The following DLG5 variants were observed in gnomAD, a reference collection of about 807,000 sequenced individuals.
The protein encoded by DLG5 is discs large MAGUK scaffold protein 5.
A neutral mutation model predicts 189.8 loss-of-function variants in DLG5; 48 were observed. The ratio of observed to expected loss-of-function variants is 0.25; its 90% CI spans 0.20 to 0.32. The LOEUF (loss-of-function observed/expected upper bound fraction) is 0.32, where lower values mean the gene tolerates loss of function less well. Among genes scored for constraint, DLG5 ranks in the 10% least tolerant of loss-of-function variants. The pLI, the probability that DLG5 is intolerant of heterozygous loss-of-function variation, is 1.00. For missense variants in DLG5, 2,160 were observed against 2,544.7 expected (o/e 0.85, Z 3.25); for synonymous variants, 1,016 against 1,054.1 (o/e 0.96, Z 0.70).
chr10:77,801,862 A>G (rs1032579312), intron 27 of DLG5, among the ~76,000 whole-genome samples: 1 of 152,200 alleles, frequency 6.6e-6, no homozygotes, highest in African/African-American at 2.4e-5. Context: ...ATGCAACAAA[A>G]GAAGCGATGA....
intron 20 of DLG5, among the ~76,000 whole-genome samples, chr10:77,813,415 G>A (rs78092226): frequency 6.6e-6 from 1 of 152,082 alleles, no homozygotes; most frequent in Non-Finnish European, 1.5e-5. Flanking sequence ...CTCTTGGGAA[G>A]GGGAAATTAA....
chr10:77,828,237 G>A (rs1212945440), intron 13 of DLG5, among the ~76,000 whole-genome samples: 4 of 152,082 alleles, frequency 2.6e-5, no homozygotes, highest in Admixed American at 2.6e-4. Flanking sequence ...TGTAATCCCA[G>A]AACTTTGGGA....
At chr10:77,891,142 T>C (rs1374342693) in intron 1 of DLG5, among the ~76,000 whole-genome samples, 1 of 152,042 alleles carries the variant, frequency 6.6e-6, no homozygotes, top group Non-Finnish European at 1.5e-5. Flanking sequence ...CTCCCCTATC[T>C]CCCTATGCAT....
intron 1 of DLG5, among the ~76,000 whole-genome samples, chr10:77,906,043 C>T (rs578154691): frequency 8.5e-5 from 13 of 152,342 alleles, no homozygotes; most frequent in African/African-American, 3.1e-4. Flanking sequence ...ACCCATTATA[C>T]CCATTTGCTC....
Position 77,828,924 on chromosome 10 carries a change from G to C in DLG5, c.2247C>G (p.Ala749=), listed in dbSNP as rs774036763. The change falls in exon 13 of 32, where the codon GCC becomes GCG. Residue 749 remains alanine, a synonymous_variant. Coordinates refer to ENST00000372391, the MANE Select transcript of DLG5 (RefSeq NM_004747.4). Reference sequence around the variant, plus strand: ...CCACAGCAAGGGACCCTTCTTTAGCGGCAGGGCTTCCAGGCAGCACAGCGG... The same window carrying C: ...CCACAGCAAGGGACCCTTCTTTAGCCGCAGGGCTTCCAGGCAGCACAGCGG... The part of the protein sequence containing the change: ...YAAAVLPGSP[A]AKEGSLAVGD... 6.2e-7 allele frequency: 1 copy of C among 1,614,132 alleles called. No homozygotes were observed. The highest frequency in any genetic ancestry group is 1.7e-5 in the Admixed American group (1 of 60,012).
In DLG5 at chr10:77,844,616, G is replaced by A. The variant is rs540310758; in HGVS notation, c.865-910C>T. On this transcript the variant is annotated intron_variant, in intron 5 of 31. Coordinates refer to ENST00000372391, the MANE Select transcript of DLG5 (RefSeq NM_004747.4). ...GGGGCTGGTGATGCCAGACAGGACAGAAAGACGCTGTGCCCTGTGGGCCTT... is the reference window on the plus strand; with the variant it reads ...GGGGCTGGTGATGCCAGACAGGACAAAAAGACGCTGTGCCCTGTGGGCCTT... 2.0e-5 allele frequency among the ~76,000 whole-genome samples: 3 copies of A among 152,348 alleles called. No homozygotes were observed. The South Asian group carries it at 6.2e-4, about 32-fold the overall frequency.
rs1010416304 is a variant in DLG5 at position 77,796,296 on chromosome 10, C to T, written c.5309-108G>A. On this transcript the variant is annotated intron_variant, in intron 28 of 31. Transcript: ENST00000372391. The surrounding 1 kb of genome is among the most constrained non-coding windows in gnomAD (Gnocchi z 5.2). ...GCAGCTGTCAGTAACCCAGTCCTGCCATGCATGAATCTGACCCATGTCAGC... is the reference window on the plus strand; with the variant it reads ...GCAGCTGTCAGTAACCCAGTCCTGCTATGCATGAATCTGACCCATGTCAGC... 1 of 1,593,716 alleles carries T rather than the reference C, an allele frequency of 6.3e-7. No individual in the cohort carries two copies. The highest frequency in any genetic ancestry group is 1.3e-5 in the African/African-American group (1 of 74,420).
At chr10:77,826,090 G>A (rs56402185) in intron 13 of DLG5, among the ~76,000 whole-genome samples, 43,490 of 151,992 alleles carry the variant, frequency 0.29, 6,573 homozygotes, top group Non-Finnish European at 0.34. Context: ...TGGAGCAAAG[G>A]GGGAAGATCT....
rs1842267145 is a variant in DLG5, at chr10:77,820,122, G to C, written c.3403-104C>G. 4.0e-6 allele frequency: 6 copies of C among 1,505,286 alleles called. No homozygotes were observed. The African/African-American group carries it at 8.3e-5, about 21-fold the overall frequency. 93.2% of individuals were successfully genotyped at this position (1,505,286 alleles called of 1,614,324 possible). On this transcript the variant is annotated intron_variant, in intron 15 of 31. Coordinates refer to ENST00000372391, the MANE Select transcript of DLG5 (RefSeq NM_004747.4). ...GCACTCTGGGAGGCCGAGGCGGGCA[G>C]ATCACCTAAGGTCAGGAGTTCAAGA...
chr10:77,926,818 G>A (rs972652752), upstream of DLG5: 5 of 173,784 alleles, frequency 2.9e-5, no homozygotes, highest in South Asian at 5.3e-4. This position sits in a 1 kb window ranked among gnomAD's most constrained non-coding sequence, Gnocchi z 5.2. Context: ...CGGCGGCCGG[G>A]GCGCGCCCCG....
chr10:77,834,186 G>A, intron 8 of DLG5, 147 bp from the exon 9 acceptor site: 4 of 1,194,794 alleles, frequency 3.3e-6, no homozygotes, highest in Non-Finnish European at 3.4e-6. Flanking sequence ...TGGGAATCTA[G>A]GGGTAAGACC....
rs534201357 is a variant in DLG5, at chr10:77,822,399, G to C, written c.2383-298C>G. On this transcript the variant is annotated intron_variant, in intron 14 of 31. Coordinates refer to ENST00000372391, the MANE Select transcript of DLG5 (RefSeq NM_004747.4). ...AGTGGCTCATGCCTGTAATCCCAGCGCTTTGGTAGGCTGAGGCAGGCGGGT... is the reference window on the plus strand; with the variant it reads ...AGTGGCTCATGCCTGTAATCCCAGCCCTTTGGTAGGCTGAGGCAGGCGGGT... Among the ~76,000 whole-genome samples the C allele has an allele frequency of 3.3e-5, 5 of 152,146 alleles. No individual in the cohort carries two copies. The South Asian group carries it at 1.0e-3, about 32-fold the overall frequency.
At chr10:77,867,936 A>G (rs965449847) in intron 2 of DLG5, 1 of 456,560 alleles carries the variant, frequency 2.2e-6, no homozygotes, top group African/African-American at 2.0e-5. Flanking sequence ...AAATTTGGAG[A>G]CAGACACACA....
chr10:77,862,595 C>T (rs1442647135), intron 2 of DLG5, among the ~76,000 whole-genome samples: 1 of 152,194 alleles, frequency 6.6e-6, no homozygotes, highest in East Asian at 1.9e-4. Context: ...CCCAGCAATC[C>T]CATTCTTAGG....
At chr10:77,794,231 G>T in intron 30 of DLG5, 114 bp from the exon 31 acceptor site, 2 of 839,262 alleles carry the variant, frequency 2.4e-6, no homozygotes, top group Non-Finnish European at 2.0e-6. Flanking sequence ...TGTGGAGGGA[G>T]GCCCCATGTG....
chr10:77,807,670 G>T, intron 25 of DLG5, 126 bp downstream of exon 25: 1 of 1,147,406 alleles, frequency 8.7e-7, no homozygotes, highest in Non-Finnish European at 1.2e-6. Context: ...TGAGTGTCAA[G>T]GAATGATGAT....
At chr10:77,861,898 T>C (rs923982633) in intron 2 of DLG5, among the ~76,000 whole-genome samples, 1 of 152,086 alleles carries the variant, frequency 6.6e-6, no homozygotes, top group East Asian at 1.9e-4. Context: ...AGACCCAAGA[T>C]CCATCACACA....
chr10:77,847,896 G>A (rs187145114), intron 5 of DLG5, among the ~76,000 whole-genome samples: 5 of 152,120 alleles, frequency 3.3e-5, no homozygotes, highest in Non-Finnish European at 5.9e-5. Flanking sequence ...TGTAGAGATG[G>A]GGGTCTCACT....
At chr10:77,902,906 C>T (rs1367644409) in intron 1 of DLG5, among the ~76,000 whole-genome samples, 2 of 150,538 alleles carry the variant, frequency 1.3e-5, no homozygotes, top group Admixed American at 1.3e-4. Context: ...AATAAATAAA[C>T]GAGCCATTGA....
Sources: gnomAD v4.1 joint callset for allele counts (sites outside exome capture counted in the v4.1 genomes callset) on GRCh38, gnomAD v4.1.1 for gene constraint, Gnocchi (gnomAD v3.1) non-coding constraint, MANE v1.5 for transcripts, NCBI Gene and HGNC (gene_info 2026-07-23, HGNC 2026-07-21) for gene names.